ANPEP: variants seen among roughly 807,000 people sequenced by gnomAD.
ANPEP encodes alanyl aminopeptidase, membrane.
ANPEP carries 70 observed loss-of-function variants against 114.6 expected under a neutral mutation model. The ratio of observed to expected loss-of-function variants is 0.61; its 90% CI spans 0.50 to 0.75. The LOEUF is 0.75. ANPEP is among the 30% of genes least tolerant of loss of function. The pLI, the probability that ANPEP is intolerant of heterozygous loss-of-function variation, is 0.00. For missense variants in ANPEP, 1,184 were observed against 1,259.5 expected (o/e 0.94, Z 0.91); for synonymous variants, 548 against 522.3 (o/e 1.05, Z -0.67).
intron 20 of ANPEP, among the ~76,000 whole-genome samples, chr15:89,786,601 G>A (rs1012593975): frequency 6.6e-6 from 1 of 151,922 alleles, no homozygotes; most frequent in African/African-American, 2.4e-5. Context: ...GTTGAGGTGG[G>A]GGGATCACCT....
intron 15 of ANPEP, among the ~76,000 whole-genome samples, chr15:89,796,073 G>C (rs559643149): frequency 6.6e-6 from 1 of 152,200 alleles, no homozygotes; most frequent in South Asian, 2.1e-4. Context: ...CTCTACAAAA[G>C]AGCATGGTGG....
chr15:89,803,147 G>T lies in ANPEP; in HGVS notation c.1569+92C>A, dbSNP rs906501056. 7.1e-7 allele frequency: 1 copy of T among 1,417,072 alleles called. No individual in the cohort carries two copies. The allele number at this position is 1,417,072 out of a possible 1,614,324, so 87.8% of individuals were successfully genotyped here. A position where few individuals can be genotyped will look rare whatever the true frequency, so the allele number is the denominator to read the frequency against. On this transcript the variant is annotated intron_variant, in intron 10 of 20. Transcript: ENST00000300060. This position sits in a 1 kb window ranked among gnomAD's most constrained non-coding sequence, Gnocchi z 4.2. Reference sequence around the variant, plus strand: ...GCAGGGCTGGTCAGCCGCGGAGCTGGACCCATTCTCTTACGCATGTGCTGC... The same window carrying T: ...GCAGGGCTGGTCAGCCGCGGAGCTGTACCCATTCTCTTACGCATGTGCTGC...
At chr15:89,805,542 G>A in intron 2 of ANPEP, 79 bp from the exon 3 acceptor site, 1 of 1,561,728 alleles carries the variant, frequency 6.4e-7, no homozygotes, top group African/African-American at 1.4e-5. Context: ...CAGGCATGCA[G>A]GGAAAGGGGT....
chr15:89,785,898 G>C (rs1836001428), intron 20 of ANPEP, among the ~76,000 whole-genome samples: 2 of 152,132 alleles, frequency 1.3e-5, no homozygotes, highest in African/African-American at 4.8e-5. Flanking sequence ...CAAATTAGAA[G>C]AGTTATCAGT....
At chr15:89,804,169 C>CA (rs1165365593) in intron 6 of ANPEP, 84 bp downstream of exon 6, 15 of 1,587,194 alleles carry the variant, frequency 9.5e-6, no homozygotes, top group African/African-American at 2.7e-5. Flanking sequence ...CCCTTCTCAG[C>CA]AGCCCGGGGC....
At chr15:89,805,014 G>C in intron 4 of ANPEP, 64 bp downstream of exon 4, 1 of 1,606,416 alleles carries the variant, frequency 6.2e-7, no homozygotes, top group Non-Finnish European at 8.5e-7. Flanking sequence ...GGGATGAAGA[G>C]AACGGGAAGA....
intron 14 of ANPEP, among the ~76,000 whole-genome samples, chr15:89,797,979 C>T (rs1968762827): frequency 1.3e-5 from 2 of 152,208 alleles, no homozygotes; most frequent in South Asian, 4.1e-4. Flanking sequence ...GCTTATTATC[C>T]CCATTTTACA....
At position 89,785,048 on chromosome 15, in the gene ANPEP, T is replaced by C; in HGVS notation, c.*301A>G. ...CCGTTCATTGTCCATCGAGAGCTTC[T>C]GCTCATCTGGCCCTGGAGCTGGGCT... is the stretch of plus-strand genomic sequence containing the variant. On this transcript the variant is annotated 3_prime_UTR_variant, in exon 21 of 21. Transcript: ENST00000300060. 1 of 357,768 alleles carries C rather than the reference T, an allele frequency of 2.8e-6. No individual in the cohort carries two copies. The highest frequency in any genetic ancestry group is 5.2e-6 in the Non-Finnish European group (1 of 191,530). 22.2% of individuals were successfully genotyped at this position (357,768 alleles called of 1,614,324 possible). A position where few individuals can be genotyped will look rare whatever the true frequency, so the allele number is the denominator to read the frequency against.
chr15:89,811,463 G>A (rs908187819), intron 1 of ANPEP, among the ~76,000 whole-genome samples: 1 of 151,554 alleles, frequency 6.6e-6, no homozygotes, highest in Non-Finnish European at 1.5e-5. Flanking sequence ...TGGCTAACAC[G>A]GTGAAACCTC....
In ANPEP at chr15:89,808,393, T is replaced by C. The variant is rs369187762; in HGVS notation, c.-223-1587A>G. Reference sequence around the variant, plus strand: ...TCAGCGTGGTTTTCCCTTTGATCTGTGTGGTGATAACTTGAGTCCTGGACT... The same window carrying C: ...TCAGCGTGGTTTTCCCTTTGATCTGCGTGGTGATAACTTGAGTCCTGGACT... On this transcript the variant is annotated intron_variant, in intron 1 of 20. Transcript: ENST00000300060. 2.4e-4 allele frequency among the ~76,000 whole-genome samples: 36 copies of C among 152,356 alleles called. No homozygotes were observed. In the East Asian group the frequency reaches 4.1e-3, roughly 17 times the overall value.
Position 89,804,445 on chromosome 15 carries a change from A to G in ANPEP, c.1025-38T>C, listed in dbSNP as rs201472890. The stretch of plus-strand genomic sequence containing the variant: ...TGCCATTGGCAGGATGAACTCCGGG[A>G]GTGGAGCTCCATCCACTGCCTCCCT... On this transcript the variant is annotated intron_variant, in intron 5 of 20. Coordinates refer to ENST00000300060, the MANE Select transcript of ANPEP (RefSeq NM_001150.3). The G allele has an allele frequency of 1.9e-3, 3,122 of 1,614,012 alleles. 16 individuals carry two copies. Among genetic ancestry groups the G allele is most frequent in the Middle Eastern group, 8.6e-3 (52 of 6,062 alleles).
chr15:89,790,941 CCA>C lies in ANPEP; in HGVS notation c.2669+10_2669+11del, dbSNP rs779172784. 1.2e-6 allele frequency: 2 copies of C among 1,613,336 alleles called. No individual in the cohort carries two copies. Among genetic ancestry groups the C allele is most frequent in the South Asian group, 2.2e-5 (2 of 90,956 alleles). On this transcript the variant is annotated intron_variant, in intron 19 of 20. Transcript: ENST00000300060. ...GCGCTCGCTGTCCCTGACACCCATT[CCA>C]CAGACTCACTCGTTAAAAAGCTTCT...
chr15:89,803,723 G>T lies in ANPEP; in HGVS notation c.1361C>A (p.Pro454Gln). 6.2e-7 allele frequency: 1 copy of T among 1,612,462 alleles called. No individual in the cohort carries two copies. The highest frequency in any genetic ancestry group is 2.2e-5 in the East Asian group (1 of 44,786). ...GATCTCCGAGGCGGGTGTGGACAGC[G>T]GGTGGGAGGAGGCCAGTGCATCCAC... ...MAVDALASSHPLSTPASEINT... is the reference protein window; with the variant it reads ...MAVDALASSHQLSTPASEINT... Residue 454 changes from proline (P) to glutamine (Q), a missense_variant, in exon 8 of 21, where the codon CCG becomes CAG. By Grantham distance (76) the Pro-to-Gln change is moderately conservative. Transcript: ENST00000300060. The surrounding 1 kb of genome is among the most constrained non-coding windows in gnomAD (Gnocchi z 4.2).
At chr15:89,790,874 G>A (rs1408643261) in intron 19 of ANPEP, 79 bp downstream of exon 19, 30 of 1,540,592 alleles carry the variant, frequency 1.9e-5, no homozygotes, top group Middle Eastern at 1.8e-4. Context: ...TGCCCCCGGC[G>A]TGTCTTACCC....
chr15:89,801,870 G>C (rs963166743), intron 10 of ANPEP, among the ~76,000 whole-genome samples: 29 of 152,242 alleles, frequency 1.9e-4, no homozygotes, highest in African/African-American at 6.8e-4. Context: ...GTGTATGTCA[G>C]GGAGGGGGTG....
chr15:89,792,643 G>T (rs1596161982), intron 16 of ANPEP, 81 bp from the exon 17 acceptor site: 1 of 1,263,728 alleles, frequency 7.9e-7, no homozygotes, highest in East Asian at 2.4e-5. Flanking sequence ...CCCCAGGCCG[G>T]CACCCTGCCT....
At chr15:89,787,354 C>T (rs147258271) in intron 20 of ANPEP, among the ~76,000 whole-genome samples, 3 of 152,002 alleles carry the variant, frequency 2.0e-5, no homozygotes, top group African/African-American at 4.8e-5. Flanking sequence ...CAATAAAACT[C>T]TTAGAAAAAA....
rs753878057 is a variant in ANPEP, at chr15:89,803,785, G to T, written c.1299C>A (p.Asp433Glu). The T allele has an allele frequency of 6.2e-6, 10 of 1,607,384 alleles. No individual in the cohort carries two copies. The highest frequency in any genetic ancestry group is 3.4e-6 in the Non-Finnish European group (4 of 1,174,964). The part of the protein sequence containing the change: ...DYAEPTWNLK[D>E]LMVLNDVYRV... ...GGTACACATCATTCAGCACCATGAG[G>T]TCTTTCTGCAAATTCCCCAGGGCCA... Residue 433 changes from aspartate (D) to glutamate (E), a missense_variant, in exon 8 of 21, where the codon GAC becomes GAA. Coordinates refer to ENST00000300060, the MANE Select transcript of ANPEP (RefSeq NM_001150.3). The surrounding 1 kb of genome is among the most constrained non-coding windows in gnomAD (Gnocchi z 4.2).
In ANPEP at chr15:89,812,172, G is replaced by A. The variant is rs114130672; in HGVS notation, c.-224+2600C>T. Among the ~76,000 whole-genome samples, 970 of 147,898 alleles carry A rather than the reference G, an allele frequency of 6.6e-3. 9 individuals carry two copies. Among genetic ancestry groups the A allele is most frequent in the African/African-American group, 0.024 (904 of 37,478 alleles). On this transcript the variant is annotated intron_variant, in intron 1 of 20. Coordinates refer to ENST00000300060, the MANE Select transcript of ANPEP (RefSeq NM_001150.3). ...CTGTGGCCGGGAGAGCTGAGCACCC[G>A]TGGCCGGGTGAGCTGCTGTGTTATC...
Sources: gnomAD v4.1 joint callset for allele counts (sites outside exome capture counted in the v4.1 genomes callset) on GRCh38, gnomAD v4.1.1 for gene constraint, Gnocchi (gnomAD v3.1) non-coding constraint, MANE v1.5 for transcripts, NCBI Gene and HGNC (gene_info 2026-07-23, HGNC 2026-07-21) for gene names.